The following CSMD1 variants were observed in gnomAD, a reference collection of about 807,000 sequenced individuals.
CSMD1 encodes CUB and sushi domain-containing protein 1.
CSMD1 carries 213 observed loss-of-function variants against 417.5 expected under a neutral mutation model. The observed-to-expected ratio is 0.51, with a 90% confidence interval of 0.46 to 0.57. CSMD1 has a LOEUF of 0.57. CSMD1 is among the 20% of genes least tolerant of loss of function. The pLI is 0.00. For missense variants in CSMD1, 6,923 were observed against 4,529.7 expected, an observed-to-expected ratio of 1.53 and a Z score of -15.17; for synonymous variants, 2,862 against 1,736.8, an observed-to-expected ratio of 1.65 and a Z score of -16.11.
At chr8:4,822,507 G>C (rs532591898) in intron 1 of CSMD1, among the ~76,000 whole-genome samples, 1 of 151,874 alleles carries the variant, frequency 6.6e-6, no homozygotes, top group African/African-American at 2.4e-5. Flanking sequence ...TCATTTACCT[G>C]GGCCACAGGA....
intron 2 of CSMD1, among the ~76,000 whole-genome samples, chr8:4,613,989 T>C (rs576576025): frequency 3.3e-5 from 5 of 152,184 alleles, no homozygotes; most frequent in Non-Finnish European, 5.9e-5. Flanking sequence ...AAAATAAAGA[T>C]TTTACATGTC....
In CSMD1 at chr8:3,603,340, G is replaced by C. The variant is rs146680039; in HGVS notation, c.1097+13370C>G. On this transcript the variant is annotated intron_variant, in intron 8 of 69. Transcript: ENST00000635120. ...TGTTCCTTAAAATTTTTTTTAAGTT[G>C]TGAAAACACTTTGGACAATGGCAGG... 2.6e-5 allele frequency among the ~76,000 whole-genome samples: 4 copies of C among 152,164 alleles called. No homozygotes were observed. The East Asian group carries it at 7.7e-4, about 29-fold the overall frequency.
chr8:3,921,376 T>C (rs920274710), intron 5 of CSMD1, among the ~76,000 whole-genome samples: 4 of 152,112 alleles, frequency 2.6e-5, no homozygotes, highest in Non-Finnish European at 5.9e-5. Flanking sequence ...CTTTAAATTG[T>C]CTTTCTAGCC....
chr8:3,973,601 G>C (rs957754985), intron 5 of CSMD1, among the ~76,000 whole-genome samples: 7 of 152,144 alleles, frequency 4.6e-5, no homozygotes, highest in Admixed American at 3.3e-4. Flanking sequence ...AAGGGAAAGA[G>C]AAACAATTTC....
intron 8 of CSMD1, among the ~76,000 whole-genome samples, chr8:3,604,132 G>A (rs570216770): frequency 6.6e-6 from 1 of 152,298 alleles, no homozygotes; most frequent in East Asian, 1.9e-4. Context: ...AAACATGATA[G>A]TGAATAAAAC....
At chr8:4,539,949 C>T (rs1359878122) in intron 2 of CSMD1, among the ~76,000 whole-genome samples, 1 of 152,174 alleles carries the variant, frequency 6.6e-6, no homozygotes, top group Non-Finnish European at 1.5e-5. Context: ...CCAGCCCAAA[C>T]TCCGCCCCGT....
intron 3 of CSMD1, among the ~76,000 whole-genome samples, chr8:4,369,179 G>A (rs1470146191): frequency 1.3e-5 from 2 of 151,898 alleles, no homozygotes; most frequent in South Asian, 4.1e-4. Flanking sequence ...AACTTTTTTT[G>A]ATTTCTGACT....
chr8:3,374,950 G>T (rs576597806), intron 18 of CSMD1, among the ~76,000 whole-genome samples: 215 of 152,294 alleles, frequency 1.4e-3, no homozygotes, highest in Middle Eastern at 6.8e-3. Context: ...TGGATGGGAG[G>T]AGGGCGGCAG....
chr8:3,104,486 G>C (rs989270539), intron 46 of CSMD1, among the ~76,000 whole-genome samples: 1 of 151,914 alleles, frequency 6.6e-6, no homozygotes, highest in Non-Finnish European at 1.5e-5. Flanking sequence ...CTCAGGTAGC[G>C]GTTTCCTGTA....
chr8:3,702,439 T>C (rs1800924263), intron 7 of CSMD1, among the ~76,000 whole-genome samples: 1 of 152,236 alleles, frequency 6.6e-6, no homozygotes, highest in South Asian at 2.1e-4. Flanking sequence ...TTATCTACTT[T>C]AGTAATCCTC....
intron 10 of CSMD1, among the ~76,000 whole-genome samples, chr8:3,524,729 C>G (rs969371670): frequency 6.6e-6 from 1 of 151,412 alleles, no homozygotes; most frequent in African/African-American, 2.4e-5. Context: ...TGCACACACA[C>G]ACATGCACAC....
intron 3 of CSMD1, among the ~76,000 whole-genome samples, chr8:4,260,454 G>T (rs144072301): frequency 6.6e-6 from 1 of 152,094 alleles, no homozygotes; most frequent in Admixed American, 6.6e-5. Flanking sequence ...AGTGTGGGTT[G>T]GGGATGTTAG....
At chr8:4,248,913 G>A (rs1010234979) in intron 3 of CSMD1, among the ~76,000 whole-genome samples, 1 of 152,096 alleles carries the variant, frequency 6.6e-6, no homozygotes, top group African/African-American at 2.4e-5. Context: ...AGACCATATT[G>A]AGAATGCCTA....
intron 11 of CSMD1, among the ~76,000 whole-genome samples, chr8:3,489,147 C>T (rs2117280480): frequency 6.6e-6 from 1 of 152,260 alleles, no homozygotes; most frequent in East Asian, 1.9e-4. Flanking sequence ...TACCCTTTGA[C>T]TCAGGATCAG....
intron 24 of CSMD1, 108 bp from the exon 25 acceptor site, chr8:3,307,929 A>AAAAAG: frequency 8.4e-7 from 1 of 1,194,396 alleles, no homozygotes; most frequent in Non-Finnish European, 1.2e-6. Context: ...ATACATAGAG[A>AAAAAG]AAAAGAATCA....
At chr8:3,722,208 C>G (rs1011504577) in intron 6 of CSMD1, among the ~76,000 whole-genome samples, 1 of 152,094 alleles carries the variant, frequency 6.6e-6, no homozygotes, top group East Asian at 1.9e-4. Flanking sequence ...ACTCGGGAGG[C>G]TGAGGCAGGA....
chr8:4,197,048 A>G (rs564542649), intron 3 of CSMD1, among the ~76,000 whole-genome samples: 1 of 152,256 alleles, frequency 6.6e-6, no homozygotes, highest in East Asian at 1.9e-4. Context: ...AAATTTAACA[A>G]TTATTCACTG....
intron 3 of CSMD1, among the ~76,000 whole-genome samples, chr8:4,055,651 T>C (rs1798653169): frequency 6.6e-6 from 1 of 152,056 alleles, no homozygotes; most frequent in South Asian, 2.1e-4. Flanking sequence ...ACAGAAACTG[T>C]TTAATGTAAT....
intron 3 of CSMD1, among the ~76,000 whole-genome samples, chr8:4,411,725 G>A (rs529537876): frequency 6.6e-6 from 1 of 152,200 alleles, no homozygotes; most frequent in East Asian, 1.9e-4. Context: ...TGTGTGCTAT[G>A]TATTTGTACA....
Sources: gnomAD v4.1 joint callset for allele counts (sites outside exome capture counted in the v4.1 genomes callset) on GRCh38, gnomAD v4.1.1 for gene constraint, MANE v1.5 for transcripts, NCBI Gene and HGNC (gene_info 2026-07-23, HGNC 2026-07-21) for gene names.